MBNL2: variants seen among roughly 807,000 people sequenced by gnomAD.
MBNL2 encodes muscleblind like splicing regulator 2.
Under a neutral mutation model 41.9 loss-of-function variants are expected in MBNL2, and 17 were observed. The observed-to-expected ratio is 0.41, with a 90% CI of 0.28 to 0.61. The LOEUF is 0.61. Ranked by LOEUF, MBNL2 falls within the 20% of genes least tolerant of loss-of-function variation. The pLI is 0.35. For synonymous variants in MBNL2, 195 were observed against 182.9 expected, an observed-to-expected ratio of 1.07 and a Z score of -0.53; for missense variants, 336 against 505.6, an observed-to-expected ratio of 0.66 and a Z score of 3.22.
chr13:97,274,981 T>C (rs2051891198), intron 1 of MBNL2, among the ~76,000 whole-genome samples: 1 of 152,184 alleles, frequency 6.6e-6, no homozygotes, highest in Admixed American at 6.5e-5. Context: ...GAGGGTCTAA[T>C]ATACGCCGTA....
chr13:97,344,600 T>C (rs2061688555), intron 4 of MBNL2, among the ~76,000 whole-genome samples: 1 of 152,222 alleles, frequency 6.6e-6, no homozygotes, highest in African/African-American at 2.4e-5. Context: ...TCACTTAGTT[T>C]CAATCTGGAT....
chr13:97,297,227 T>G (rs893937294), intron 2 of MBNL2, among the ~76,000 whole-genome samples: 1 of 152,134 alleles, frequency 6.6e-6, no homozygotes, highest in Non-Finnish European at 1.5e-5. Flanking sequence ...CTAACATACA[T>G]GAGGTTCTGT....
chr13:97,150,081 A>T, the MBNL2 span, among the ~76,000 whole-genome samples: 1 of 152,192 alleles, frequency 6.6e-6, no homozygotes, highest in Admixed American at 6.5e-5. Context: ...CCAATCTCGT[A>T]ACTAAAAATG....
chr13:97,269,608 G>A (rs558145122), intron 1 of MBNL2, among the ~76,000 whole-genome samples: 4 of 152,326 alleles, frequency 2.6e-5, no homozygotes, highest in South Asian at 2.1e-4. Context: ...CAGGGTGACT[G>A]TTGGCCCCAG....
chr13:97,296,303 T>C (rs2057000039), intron 2 of MBNL2, among the ~76,000 whole-genome samples: 1 of 152,242 alleles, frequency 6.6e-6, no homozygotes, highest in South Asian at 2.1e-4. Flanking sequence ...TAATAGCATT[T>C]TTAATGAAAA....
the MBNL2 span, among the ~76,000 whole-genome samples, chr13:97,150,939 A>T: frequency 1.3e-5 from 2 of 152,178 alleles, no homozygotes; most frequent in Admixed American, 1.3e-4. Context: ...TCCTCCTTTC[A>T]GTTAGACTTT....
chr13:97,331,808 C>A (rs966848328), intron 2 of MBNL2, among the ~76,000 whole-genome samples: 13 of 152,134 alleles, frequency 8.5e-5, no homozygotes, highest in Non-Finnish European at 2.9e-5. Context: ...GAAATTACAG[C>A]AATTCTCACA....
In MBNL2 at chr13:97,346,386, AGATT is replaced by A. The variant is rs146021610; in HGVS notation, c.541-410_541-407del. 8.1e-3 allele frequency among the ~76,000 whole-genome samples: 1,236 copies of A among 152,158 alleles called. 14 individuals are homozygous for A. The highest frequency in any genetic ancestry group is 0.029 in the African/African-American group (1,184 of 41,484). The stretch of plus-strand genomic sequence containing the variant: ...TGAACAGGTGGATAGATGATTGGAT[AGATT>A]GATTGATGGTAGATGATAGATGAAG... On this transcript the variant is annotated intron_variant, in intron 4 of 8. Transcript: ENST00000679496. This position sits in a 1 kb window ranked among gnomAD's most constrained non-coding sequence, Gnocchi z 4.2.
At chr13:97,155,441 A>C in the MBNL2 span, among the ~76,000 whole-genome samples, 126 of 146,580 alleles carry the variant, frequency 8.6e-4, 2 homozygotes, top group Middle Eastern at 0.019. Flanking sequence ...ACACGTGCAC[A>C]TTGTGCAGGT....
At chr13:97,200,045 T>C in the MBNL2 span, among the ~76,000 whole-genome samples, 2 of 151,864 alleles carry the variant, frequency 1.3e-5, no homozygotes, top group African/African-American at 4.8e-5. Flanking sequence ...CAAATAGGAG[T>C]CTACATTGAT....
intron 8 of MBNL2, among the ~76,000 whole-genome samples, chr13:97,390,142 A>T (rs1234427279): frequency 6.6e-6 from 1 of 152,198 alleles, no homozygotes; most frequent in Non-Finnish European, 1.5e-5. Flanking sequence ...ATAAATATTT[A>T]ATGTAAATTA....
intron 1 of MBNL2, among the ~76,000 whole-genome samples, chr13:97,246,182 G>A (rs548867843): frequency 6.6e-6 from 1 of 152,038 alleles, no homozygotes; most frequent in Admixed American, 6.5e-5. Context: ...TTATAAACAG[G>A]ACTCTTGTAG....
the MBNL2 span, among the ~76,000 whole-genome samples, chr13:97,169,689 A>G: frequency 6.6e-6 from 1 of 152,196 alleles, no homozygotes; most frequent in Non-Finnish European, 1.5e-5. Flanking sequence ...GAGAAGGTCA[A>G]GTTGAAAAGT....
the MBNL2 span, among the ~76,000 whole-genome samples, chr13:97,198,642 T>G: frequency 6.6e-6 from 1 of 152,056 alleles, no homozygotes; most frequent in Non-Finnish European, 1.5e-5. Flanking sequence ...TCCACTCATT[T>G]TCTTTTCCCA....
In MBNL2 at chr13:97,312,136, A is replaced by G. The variant is rs77628602; in HGVS notation, c.175-22140A>G. ...AGACAATAACTTGAAAAACAGATTC[A>G]TATAAGAAAAGTATAGCTGCACATG... On this transcript the variant is annotated intron_variant, in intron 2 of 8. Transcript: ENST00000679496. Among the ~76,000 whole-genome samples, 804 of 152,342 alleles carry G rather than the reference A, an allele frequency of 5.3e-3. 5 individuals carry two copies. The highest frequency in any genetic ancestry group is 0.018 in the African/African-American group (755 of 41,582).
intron 7 of MBNL2, among the ~76,000 whole-genome samples, chr13:97,363,756 T>C (rs979557469): frequency 2.0e-5 from 3 of 152,090 alleles, no homozygotes; most frequent in African/African-American, 7.2e-5. Context: ...AAGGTTTAAG[T>C]TGGATGTATT....
In MBNL2 at chr13:97,289,174, C is replaced by A. The variant is rs866514276; in HGVS notation, c.174+12765C>A. Among the ~76,000 whole-genome samples, 1,493 of 152,168 alleles carry A rather than the reference C, an allele frequency of 9.8e-3. 25 individuals carry two copies. Among genetic ancestry groups the A allele is most frequent in the African/African-American group, 0.035 (1,453 of 41,514 alleles). On this transcript the variant is annotated intron_variant, in intron 2 of 8. Coordinates refer to ENST00000679496, the MANE Select transcript of MBNL2 (RefSeq NM_001382683.1). ...TTTTTACTGAATACTGATGTGGGTG[C>A]TTAGGTACATTAGTAATCAATCTTA... is the stretch of plus-strand genomic sequence containing the variant.
At chr13:97,177,571 A>G in the MBNL2 span, among the ~76,000 whole-genome samples, 2 of 152,328 alleles carry the variant, frequency 1.3e-5, no homozygotes, top group African/African-American at 4.8e-5. Flanking sequence ...CAGGAGACCA[A>G]TGCATTAGGT....
chr13:97,339,871 G>GTGTGT (rs142257683), intron 3 of MBNL2, among the ~76,000 whole-genome samples: 2 of 111,010 alleles, frequency 1.8e-5, no homozygotes, highest in African/African-American at 3.3e-5. Context: ...ATTTGTGTGT[G>GTGTGT]GGCGGGGGGG....
Sources: allele counts gnomAD v4.1 joint callset (sites outside exome capture counted in the v4.1 genomes callset), GRCh38; gene constraint gnomAD v4.1.1; non-coding constraint Gnocchi (gnomAD v3.1); transcripts MANE v1.5; gene names NCBI Gene and HGNC (gene_info 2026-07-23, HGNC 2026-07-21).